The following ANO5 variants were observed in gnomAD, a reference collection of about 807,000 sequenced individuals.
ANO5 encodes anoctamin 5.
Under a neutral mutation model 121.0 loss-of-function variants are expected in ANO5, and 109 were observed. The ratio of observed to expected loss-of-function variants is 0.90; its 90% CI spans 0.77 to 1.06. The LOEUF is 1.06. Among genes scored for constraint, ANO5 ranks in the 50% least tolerant of loss-of-function variants. The pLI, the probability that ANO5 is intolerant of heterozygous loss-of-function variation, is 0.00. For missense variants in ANO5, 1,064 were observed against 1,078.5 expected, an observed-to-expected ratio of 0.99 and a Z score of 0.19; for synonymous variants, 406 against 359.9, an observed-to-expected ratio of 1.13 and a Z score of -1.45.
At chr11:22,220,746 G>A (rs1447335492) in intron 4 of ANO5, among the ~76,000 whole-genome samples, 2 of 151,974 alleles carry the variant, frequency 1.3e-5, no homozygotes, top group South Asian at 2.1e-4. Flanking sequence ...AAAGTTGTGT[G>A]TAGCCATGAA....
chr11:22,218,228 T>G lies in ANO5; in HGVS notation c.139-18T>G. On this transcript the variant is annotated intron_variant, in intron 3 of 21. Coordinates refer to ENST00000324559, the MANE Select transcript of ANO5 (RefSeq NM_213599.3). ...ATTCTGGGCAGGAAGTGCTAATTCT[T>G]TATTGGTTGCTTCACAGCCTGCAAA... 6.2e-7 allele frequency: 1 copy of G among 1,613,246 alleles called. No individual in the cohort carries two copies. Among genetic ancestry groups the G allele is most frequent in the Non-Finnish European group, 8.5e-7 (1 of 1,179,664 alleles).
chr11:22,193,674 G>A, intron 1 of ANO5, 142 bp downstream of exon 1: 2 of 1,139,758 alleles, frequency 1.8e-6, no homozygotes, highest in Non-Finnish European at 2.5e-6. Context: ...TGCTCAGCGC[G>A]AAACCGGGAC....
rs78377794 is a variant in ANO5, at chr11:22,194,665, C to T, written c.40+1133C>T. ...CTCTATAGATTTGCCTATTCAAGAC[C>T]ATTCGAATAAATAGAATCATACAAC... is the stretch of plus-strand genomic sequence containing the variant. On this transcript the variant is annotated intron_variant, in intron 1 of 21. Coordinates refer to ENST00000324559, the MANE Select transcript of ANO5 (RefSeq NM_213599.3). Among the ~76,000 whole-genome samples the T allele has an allele frequency of 7.5e-3, 1,135 of 152,238 alleles. 13 individuals are homozygous for T. Among genetic ancestry groups the T allele is most frequent in the African/African-American group, 0.024 (999 of 41,516 alleles).
At chr11:22,269,593 GAA>G (rs1205871546) in intron 17 of ANO5, among the ~76,000 whole-genome samples, 1 of 151,952 alleles carries the variant, frequency 6.6e-6, no homozygotes, top group Admixed American at 6.5e-5. Flanking sequence ...GAAAGAGAAA[GAA>G]AGAGTTTGCC....
rs758319655 is a variant in ANO5, at chr11:22,227,354, T to C, written c.416T>C (p.Val139Ala). The C allele has an allele frequency of 1.9e-6, 3 of 1,613,236 alleles. No homozygotes were observed. Among genetic ancestry groups the C allele is most frequent in the Non-Finnish European group, 2.5e-6 (3 of 1,179,664 alleles). ...GTCAAGATCCATGCCCCTTGGGAGG[T>C]ATTAGTTACCTATGCTGAAGTCTTG... is the stretch of plus-strand genomic sequence containing the variant. The part of the protein sequence containing the change: ...YFVKIHAPWE[V>A]LVTYAEVLGI... The change falls in exon 7 of 22, where the codon GTA becomes GCA. Residue 139 changes from valine to alanine, a missense_variant. Val to Ala is a moderately conservative substitution (Grantham distance 64). Coordinates refer to ENST00000324559, the MANE Select transcript of ANO5 (RefSeq NM_213599.3).
intron 9 of ANO5, among the ~76,000 whole-genome samples, chr11:22,247,680 C>T (rs1243380027): frequency 6.6e-6 from 1 of 152,100 alleles, no homozygotes; most frequent in East Asian, 1.9e-4. Flanking sequence ...CTATACCAAA[C>T]ATCACTTTAA....
intron 7 of ANO5, among the ~76,000 whole-genome samples, chr11:22,231,807 C>G (rs969433962): frequency 6.6e-6 from 1 of 151,946 alleles, no homozygotes; most frequent in Non-Finnish European, 1.5e-5. Context: ...AATTTGGAGT[C>G]CTGGTTACAA....
At position 22,279,465 on chromosome 11, in the gene ANO5, TGAAATGATTTGTAAA is replaced by T. The variant is rs1043241812; in HGVS notation, c.2521-76_2521-62del. The stretch of plus-strand genomic sequence containing the variant: ...TATGTTGAGCAGTTTCTTAAATAAG[TGAAATGATTTGTAAA>T]GACTTTCTGCTGAGCATGTGACACC... On this transcript the variant is annotated intron_variant, in intron 21 of 21. Transcript: ENST00000324559. 7.5e-5 allele frequency: 91 copies of T among 1,219,772 alleles called. No individual in the cohort carries two copies. The African/African-American group carries it at 1.3e-3, about 17-fold the overall frequency. 75.6% of individuals were successfully genotyped at this position (1,219,772 alleles called of 1,614,324 possible).
chr11:22,234,069 A>G (rs533939274), intron 7 of ANO5, among the ~76,000 whole-genome samples: 1 of 152,232 alleles, frequency 6.6e-6, no homozygotes, highest in African/African-American at 2.4e-5. Context: ...TTCATTGAAA[A>G]CTGCTTTTGT....
intron 20 of ANO5, among the ~76,000 whole-genome samples, chr11:22,275,875 T>C (rs1854820760): frequency 6.6e-6 from 1 of 151,784 alleles, no homozygotes; most frequent in Admixed American, 6.6e-5. Context: ...GTTCCTCTTG[T>C]GTATTTCTTC....
At chr11:22,223,891 T>C (rs1289685509) in intron 5 of ANO5, among the ~76,000 whole-genome samples, 1 of 152,100 alleles carries the variant, frequency 6.6e-6, no homozygotes, top group South Asian at 2.1e-4. Flanking sequence ...ATTTTTTTTC[T>C]TTTCAATTAT....
At chr11:22,192,834 G>A (rs1229813733), upstream of ANO5, 1 of 330,704 alleles carries the variant, frequency 3.0e-6, no homozygotes. Flanking sequence ...CAGGGCCGGG[G>A]GGCGGCGGGT....
intron 1 of ANO5, among the ~76,000 whole-genome samples, chr11:22,197,257 T>C (rs1003820368): frequency 6.6e-6 from 1 of 152,176 alleles, no homozygotes; most frequent in Non-Finnish European, 1.5e-5. Flanking sequence ...CTTCTAATTT[T>C]AAAAATGAAA....
chr11:22,200,436 T>C (rs140403187), intron 1 of ANO5, among the ~76,000 whole-genome samples: 1 of 152,342 alleles, frequency 6.6e-6, no homozygotes, highest in African/African-American at 2.4e-5. Context: ...GAATGCAGCA[T>C]CAGCGCTTCA....
chr11:22,207,146 A>G, intron 2 of ANO5, among the ~76,000 whole-genome samples: 1 of 152,128 alleles, frequency 6.6e-6, no homozygotes, highest in East Asian at 1.9e-4. Flanking sequence ...AAATTGGTAT[A>G]TAAGTTAAAA....
At chr11:22,252,849 T>C (rs528703772) in intron 12 of ANO5, among the ~76,000 whole-genome samples, 1 of 152,256 alleles carries the variant, frequency 6.6e-6, no homozygotes, top group Admixed American at 6.5e-5. Flanking sequence ...TTTTTAAAGT[T>C]TCTACCCTGG....
chr11:22,227,279 G>A (rs1368426258), intron 6 of ANO5, 23 bp from the exon 7 acceptor site: 1 of 1,603,456 alleles, frequency 6.2e-7, no homozygotes, highest in Non-Finnish European at 8.5e-7. Flanking sequence ...GCTTTCTGCT[G>A]TTTTGCCTTT....
chr11:22,277,814 C>T (rs1011944095), intron 21 of ANO5: 2 of 151,476 alleles, frequency 1.3e-5, no homozygotes, highest in African/African-American at 4.8e-5. Context: ...CCTGGGACTT[C>T]TCTTCATCTT....
At chr11:22,193,576 G>C in intron 1 of ANO5, 44 bp downstream of exon 1, 1 of 1,599,786 alleles carries the variant, frequency 6.3e-7, no homozygotes, top group South Asian at 1.1e-5. Flanking sequence ...CAGGCTGGCT[G>C]CCTGCACCCC....
Sources: allele counts gnomAD v4.1 joint callset (sites outside exome capture counted in the v4.1 genomes callset), GRCh38; gene constraint gnomAD v4.1.1; transcripts MANE v1.5; gene names NCBI Gene and HGNC (gene_info 2026-07-23, HGNC 2026-07-21).